The following PKHD1 variants were observed in gnomAD, a reference collection of about 807,000 sequenced individuals.
PKHD1 encodes the protein fibrocystin.
A neutral mutation model predicts 412.0 loss-of-function variants in PKHD1; 291 were observed. That is an observed-to-expected ratio of 0.71 (90% CI 0.64 to 0.78). The LOEUF is 0.78. PKHD1 is among the 30% of genes least tolerant of loss of function. The pLI is 0.00. For synonymous variants in PKHD1, 1,777 were observed against 1,821.5 expected, an observed-to-expected ratio of 0.98 and a Z score of 0.62; for missense variants, 4,825 against 4,950.7, an observed-to-expected ratio of 0.97 and a Z score of 0.76.
chr6:51,989,036 T>C (rs2128060404), intron 35 of PKHD1, among the ~76,000 whole-genome samples: 1 of 152,344 alleles, frequency 6.6e-6, no homozygotes, highest in African/African-American at 2.4e-5. Context: ...ATTTCTCTAC[T>C]CTTCCCAGAG....
chr6:52,048,589 T>A lies in PKHD1; in HGVS notation c.2310A>T (p.Gly770=). 1.2e-6 allele frequency: 2 copies of A among 1,614,088 alleles called. No homozygotes were observed. The highest frequency in any genetic ancestry group is 1.7e-6 in the Non-Finnish European group (2 of 1,179,958). ...GTGTCGTCACCAGGACCAGTCCAGA[T>A]CCCTCTTCTGTTCCTTCAGTGGGCA... ...RSVPTEGTEE[G]SGLVLVTTQR... Residue 770 remains glycine, a synonymous_variant, in exon 23 of 67, where the codon GGA becomes GGT. Transcript: ENST00000371117.
At chr6:51,696,054 T>C (rs536270271) in intron 60 of PKHD1, among the ~76,000 whole-genome samples, 48 of 152,220 alleles carry the variant, frequency 3.2e-4, no homozygotes, top group Non-Finnish European at 5.0e-4. Context: ...TTTATTTGAA[T>C]TGTAATAAAA....
intron 50 of PKHD1, among the ~76,000 whole-genome samples, chr6:51,839,798 G>GT (rs1207990296): frequency 6.6e-6 from 1 of 151,288 alleles, no homozygotes; most frequent in African/African-American, 2.4e-5. Context: ...TCACTTTGTC[G>GT]TTTTAGTTTA....
rs1337469634 is a variant in PKHD1, at chr6:51,652,568, T to TG, written c.11175-3349_11175-3348insC. On this transcript the variant is annotated intron_variant, in intron 61 of 66. Coordinates refer to ENST00000371117, the MANE Select transcript of PKHD1 (RefSeq NM_138694.4). ...AGCATTTTTTATCTCTCTTGTTTTT[T>TG]TTTTTTTTTTTTTTTTTTTTTTTTT... Among the ~76,000 whole-genome samples the TG allele has an allele frequency of 2.5e-3, 2 of 800 alleles. 1 individual carries two copies. Among genetic ancestry groups the TG allele is most frequent in the Non-Finnish European group, 3.2e-3 (2 of 624 alleles). 0.5% of individuals were successfully genotyped at this position (800 alleles called of 152,430 possible). A position where few individuals can be genotyped will look rare whatever the true frequency, so the allele number is the denominator to read the frequency against.
chr6:51,848,920 T>G (rs1265808726), intron 49 of PKHD1, among the ~76,000 whole-genome samples: 4 of 1,430 alleles, frequency 2.8e-3, no homozygotes, highest in African/African-American at 0.014. Context: ...TTTTTTTAGT[T>G]TTTTTTTTTA....
intron 36 of PKHD1, among the ~76,000 whole-genome samples, chr6:51,939,461 A>T (rs1424166233): frequency 6.6e-6 from 1 of 151,366 alleles, no homozygotes; most frequent in Non-Finnish European, 1.5e-5. Context: ...TCAAGAACTT[A>T]AAACCTCTTC....
At chr6:52,009,221 A>G (rs1408376888) in intron 35 of PKHD1, among the ~76,000 whole-genome samples, 1 of 152,230 alleles carries the variant, frequency 6.6e-6, no homozygotes, top group Non-Finnish European at 1.5e-5. Context: ...GGGAAGGTCA[A>G]GGTGAGGGAG....
At position 51,898,872 on chromosome 6, in the gene PKHD1, A is replaced by G. The variant is rs191953930; in HGVS notation, c.6996+4725T>C. Among the ~76,000 whole-genome samples, 678 of 152,262 alleles carry G rather than the reference A, an allele frequency of 4.5e-3. 10 individuals carry two copies. The highest frequency in any genetic ancestry group is 0.016 in the African/African-American group (655 of 41,544). On this transcript the variant is annotated intron_variant, in intron 43 of 66. Coordinates refer to ENST00000371117, the MANE Select transcript of PKHD1 (RefSeq NM_138694.4). ...CCACAGAAATACAAACTACCATCAG[A>G]GAATACCACAAACACCTCTACGCAA...
intron 60 of PKHD1, among the ~76,000 whole-genome samples, chr6:51,727,638 G>A (rs1023414948): frequency 6.6e-6 from 1 of 152,214 alleles, no homozygotes; most frequent in Non-Finnish European, 1.5e-5. Context: ...CATGCACAGT[G>A]TGTTAAGGAA....
At chr6:51,773,994 T>C (rs1200009437) in intron 54 of PKHD1, among the ~76,000 whole-genome samples, 3 of 151,898 alleles carry the variant, frequency 2.0e-5, no homozygotes, top group African/African-American at 7.2e-5. Flanking sequence ...TAAGACATCA[T>C]CATCTAAAAC....
At chr6:52,077,291 A>T (rs991673221) in intron 5 of PKHD1, among the ~76,000 whole-genome samples, 1 of 152,194 alleles carries the variant, frequency 6.6e-6, no homozygotes, top group Non-Finnish European at 1.5e-5. Context: ...CTCCATCAGG[A>T]AATCACAGCA....
chr6:51,686,563 A>AT (rs1346096318), intron 60 of PKHD1, among the ~76,000 whole-genome samples: 2 of 151,962 alleles, frequency 1.3e-5, no homozygotes, highest in Admixed American at 6.6e-5. Context: ...GATGCTCTAC[A>AT]TTTTTTCTTT....
chr6:51,639,076 G>T (rs1768988288), intron 63 of PKHD1, 120 bp from the exon 64 acceptor site: 1 of 778,418 alleles, frequency 1.3e-6, no homozygotes, highest in South Asian at 1.4e-5. Flanking sequence ...ACTCAAAGAG[G>T]TTACCTAATC....
chr6:51,631,370 T>C (rs1952458), intron 65 of PKHD1, among the ~76,000 whole-genome samples: 80,329 of 151,874 alleles, frequency 0.53, 21,367 homozygotes, highest in South Asian at 0.63. Flanking sequence ...AGTCCAGTCC[T>C]GATCAACAGG....
chr6:52,007,154 G>A (rs759464722), intron 35 of PKHD1, among the ~76,000 whole-genome samples: 1 of 152,152 alleles, frequency 6.6e-6, no homozygotes, highest in African/African-American at 2.4e-5. Flanking sequence ...ATAAACATGC[G>A]TGTGCAAGTA....
chr6:51,862,364 G>A (rs1774327727), intron 48 of PKHD1, among the ~76,000 whole-genome samples: 2 of 152,136 alleles, frequency 1.3e-5, no homozygotes, highest in South Asian at 2.1e-4. Context: ...ATATTCCTCA[G>A]TTTGGGGTCC....
chr6:51,780,213 T>C (rs184673934), intron 53 of PKHD1, among the ~76,000 whole-genome samples: 6 of 152,050 alleles, frequency 3.9e-5, no homozygotes, highest in Admixed American at 1.3e-4. Context: ...TGGTGAAACC[T>C]TGTCTCTACT....
rs2128203557 is a variant in PKHD1 at position 52,053,143 on chromosome 6, G to A, written c.2073C>T (p.Leu691=). 5 of 1,614,190 alleles carry A rather than the reference G, an allele frequency of 3.1e-6. No individual in the cohort carries two copies. The highest frequency in any genetic ancestry group is 4.2e-6 in the Non-Finnish European group (5 of 1,179,996). Residue 691 remains leucine (L), a synonymous_variant, in exon 21 of 67, where the codon CTC becomes CTT. Coordinates refer to ENST00000371117, the MANE Select transcript of PKHD1 (RefSeq NM_138694.4). ...SPVLVHQINL[L]PLAQETGLFY... ...ACAGGCCCGTCTCCTGGGCCAGAGG[G>A]AGAAGGTTGATCTGATGAACCAGCA... is the stretch of plus-strand genomic sequence containing the variant.
intron 37 of PKHD1, among the ~76,000 whole-genome samples, chr6:51,919,756 C>T (rs944586160): frequency 5.9e-5 from 9 of 152,184 alleles, no homozygotes; most frequent in African/African-American, 2.2e-4. Flanking sequence ...TCTTCCTATC[C>T]ATGAGCATGG....
Sources: gnomAD v4.1 joint callset for allele counts (sites outside exome capture counted in the v4.1 genomes callset) on GRCh38, gnomAD v4.1.1 for gene constraint, MANE v1.5 for transcripts, NCBI Gene and HGNC (gene_info 2026-07-23, HGNC 2026-07-21) for gene names.